The following CAPN15 variants were observed in gnomAD, a reference collection of about 807,000 sequenced individuals.
CAPN15 encodes the protein calpain 15, also known as calpain-15.
Under a neutral mutation model 97.9 loss-of-function variants are expected in CAPN15, and 53 were observed. That is an observed-to-expected ratio of 0.54 (90% confidence interval 0.43 to 0.68). The LOEUF is 0.68. CAPN15 is among the 30% of genes least tolerant of loss of function. The pLI, the probability that CAPN15 is intolerant of heterozygous loss-of-function variation, is 0.00. For missense variants in CAPN15, 1,592 were observed against 1,589.8 expected (o/e 1.00, Z -0.02); for synonymous variants, 922 against 722.5 (o/e 1.28, Z -4.43).
In CAPN15 at chr16:540,133, G is replaced by A. The variant is rs544912557; in HGVS notation, c.-23+3991G>A. The stretch of plus-strand genomic sequence containing the variant: ...CTTCCCTCCATGCTCCGCTTCGCCC[G>A]CTGCTGGCCAGAGGTGACCAGGTCC... On this transcript the variant is annotated intron_variant, in intron 3 of 13. Coordinates refer to ENST00000219611, the MANE Select transcript of CAPN15 (RefSeq NM_005632.3). 1,321 of 985,428 alleles carry A rather than the reference G, an allele frequency of 1.3e-3. 1 individual carries two copies. Among genetic ancestry groups the A allele is most frequent in the African/African-American group, 7.7e-3 (441 of 57,340 alleles). The allele number at this position is 985,428 out of a possible 1,614,324, so 61.0% of individuals were successfully genotyped here.
At chr16:546,650 T>G (rs543956386) in intron 3 of CAPN15, among the ~76,000 whole-genome samples, 167 bp from the exon 4 acceptor site, 5 of 152,290 alleles carry the variant, frequency 3.3e-5, no homozygotes, top group African/African-American at 1.2e-4. Flanking sequence ...GGATCCATTC[T>G]GGGTGGAGGC....
rs577672262 is a variant in CAPN15, at chr16:550,108, G to A, written c.2066+270G>A. Among the ~76,000 whole-genome samples, 147 of 131,792 alleles carry A rather than the reference G, an allele frequency of 1.1e-3. 1 individual carries two copies. Among genetic ancestry groups the A allele is most frequent in the African/African-American group, 6.2e-3 (138 of 22,250 alleles). 86.5% of individuals were successfully genotyped at this position (131,792 alleles called of 152,430 possible). A position where few individuals can be genotyped will look rare whatever the true frequency, so the allele number is the denominator to read the frequency against. On this transcript the variant is annotated intron_variant, in intron 7 of 13. Coordinates refer to ENST00000219611, the MANE Select transcript of CAPN15 (RefSeq NM_005632.3). ...TCACCCCGGAGCAGGTGTGAGCGGC[G>A]TGTCGAGTTTGACCTGGGCCGTGGG...
At position 549,779 on chromosome 16, in the gene CAPN15, C is replaced by T. The variant is rs528806384; in HGVS notation, c.2007C>T (p.Arg669=). 1.0e-5 allele frequency: 16 copies of T among 1,592,570 alleles called. No individual in the cohort carries two copies. In the African/African-American group the frequency reaches 1.5e-4, roughly 15 times the overall value. The part of the protein sequence containing the change: ...LALQLSSTNP[R]EEPVDTDLIW... ...TGCAGCTCAGCTCCACTAACCCCCGCGAGGAGCCCGTTGACACTGACCTCA... is the reference window on the plus strand; with the variant it reads ...TGCAGCTCAGCTCCACTAACCCCCGTGAGGAGCCCGTTGACACTGACCTCA... The change falls in exon 7 of 14, where the codon CGC becomes CGT. Residue 669 remains arginine (R), a synonymous_variant. Coordinates refer to ENST00000219611, the MANE Select transcript of CAPN15 (RefSeq NM_005632.3).
intron 3 of CAPN15, among the ~76,000 whole-genome samples, chr16:544,326 G>A (rs930856115): frequency 4.6e-5 from 7 of 152,212 alleles, no homozygotes; most frequent in Admixed American, 2.0e-4. Context: ...TGCCCCGGCC[G>A]GACGGGGCAT....
intron 4 of CAPN15, 102 bp downstream of exon 4, chr16:548,389 AGGCCTAAGACGTGATGGGGAG>A (rs1464176410): frequency 8.4e-7 from 1 of 1,194,000 alleles, no homozygotes; most frequent in African/African-American, 1.6e-5. Flanking sequence ...GGAGCCCACA[AGGCCTAAGACGTGATGGGGAG>A]GGCAGCACCC....
intron 1 of CAPN15, among the ~76,000 whole-genome samples, chr16:533,379 G>A (rs1004097771): frequency 1.3e-5 from 2 of 152,172 alleles, no homozygotes; most frequent in African/African-American, 4.8e-5. Context: ...TGACCTTAGA[G>A]AAGCAAAGCC....
chr16:539,354 G>A (rs2141990255), intron 3 of CAPN15: 1 of 152,420 alleles, frequency 6.6e-6, no homozygotes, highest in African/African-American at 2.4e-5. Flanking sequence ...ATCGGACTCT[G>A]GGGAGAGCAG....
chr16:552,508 G>T lies in CAPN15; in HGVS notation c.2715G>T (p.Leu905=). 1 of 1,604,602 alleles carries T rather than the reference G, an allele frequency of 6.2e-7. No individual in the cohort carries two copies. The part of the protein sequence containing the change: ...CCAFNHWGPP[L]PGTPAPQASS... ...CCTTCAACCACTGGGGGCCGCCCCT[G>T]CCGGGCACCCCTGCCCCCCAGGGTA... is the stretch of plus-strand genomic sequence containing the variant. The change falls in exon 11 of 14, where the codon CTG becomes CTT. Residue 905 remains leucine (L), a synonymous_variant. Transcript: ENST00000219611. This position sits in a 1 kb window ranked among gnomAD's most constrained non-coding sequence, Gnocchi z 6.4.
intron 3 of CAPN15, among the ~76,000 whole-genome samples, chr16:545,752 C>T (rs932054514): frequency 2.0e-5 from 3 of 152,258 alleles, no homozygotes; most frequent in Non-Finnish European, 2.9e-5. Flanking sequence ...CCTCTGCCTG[C>T]ACCTGCGGTC....
rs570749198 is a variant in CAPN15 at position 542,533 on chromosome 16, T to C, written c.-22-4284T>C. Among the ~76,000 whole-genome samples the C allele has an allele frequency of 9.9e-5, 15 of 152,274 alleles. No homozygotes were observed. In the East Asian group the frequency reaches 2.1e-3, roughly 22 times the overall value. On this transcript the variant is annotated intron_variant, in intron 3 of 13. Transcript: ENST00000219611. ...TCTGCGTTTCCCTGGTGGCCAGCCA[T>C]GTGGGGCCTCTCTCCCTGTCTCATC...
rs1379672621 is a variant in CAPN15, at chr16:535,083, G to C, written c.-136-946G>C. Among the ~76,000 whole-genome samples, 1 of 152,162 alleles carries C rather than the reference G, an allele frequency of 6.6e-6. No individual in the cohort carries two copies. The highest frequency in any genetic ancestry group is 1.5e-5 in the Non-Finnish European group (1 of 68,018). On this transcript the variant is annotated intron_variant, in intron 2 of 13. Coordinates refer to ENST00000219611, the MANE Select transcript of CAPN15 (RefSeq NM_005632.3). This position sits in a 1 kb window ranked among gnomAD's most constrained non-coding sequence, Gnocchi z 6.2. ...GGCTGGGGGTCGCTGTGCCAGCCCT[G>C]CTCCCATGTGGGCTCCCAGCTCCCC...
At position 527,749 on chromosome 16, in the gene CAPN15, C is replaced by G. The variant is rs1596310465; in HGVS notation, c.-470C>G. On this transcript the variant is annotated 5_prime_UTR_variant, in exon 1 of 14. Transcript: ENST00000219611. ...CGCGATTCACAGCGCCGCGTGCGCC[C>G]CGGGCGCGCCGTAGCCGCGGGGCCC... 6.7e-6 allele frequency: 1 copy of G among 150,236 alleles called. No individual in the cohort carries two copies. The highest frequency in any genetic ancestry group is 1.9e-4 in the East Asian group (1 of 5,130). 9.3% of individuals were successfully genotyped at this position (150,236 alleles called of 1,614,324 possible). A position where few individuals can be genotyped will look rare whatever the true frequency, so the allele number is the denominator to read the frequency against.
At position 551,228 on chromosome 16, in the gene CAPN15, A is replaced by G. The variant is rs372395086; in HGVS notation, c.2067-74A>G. The G allele has an allele frequency of 0.016, 19,178 of 1,206,626 alleles. 1,548 individuals carry two copies. The African/African-American group carries it at 0.25, about 16-fold the overall frequency. 74.7% of individuals were successfully genotyped at this position (1,206,626 alleles called of 1,614,324 possible). A position where few individuals can be genotyped will look rare whatever the true frequency, so the allele number is the denominator to read the frequency against. ...TCCCCAGTCGGTGAGGGTCCCGGTC[A>G]GTGAGGGTCCCCGGTCGGTGAGGGT... is the stretch of plus-strand genomic sequence containing the variant. On this transcript the variant is annotated intron_variant, in intron 7 of 13. Transcript: ENST00000219611.
chr16:547,678 G>C lies in CAPN15; in HGVS notation c.840G>C (p.Trp280Cys), dbSNP rs763528398. Residue 280 changes from tryptophan to cysteine, a missense_variant, in exon 4 of 14, where the codon TGG becomes TGC. This residue lies in a region of CAPN15 where 883 missense variants were observed against 776.6 expected (regional missense o/e 1.14). Transcript: ENST00000219611. ...GCRGAPQGSG[W>C]AGASRLAELL... ...GGGGAGCCCCCCAGGGCTCGGGCTG[G>C]GCTGGGGCCTCCCGCCTAGCAGAGT... 7 of 1,588,732 alleles carry C rather than the reference G, an allele frequency of 4.4e-6. No homozygotes were observed. The African/African-American group carries it at 8.0e-5, about 18-fold the overall frequency.
Position 549,111 on chromosome 16 carries a change from G to A in CAPN15, c.1568G>A (p.Cys523Tyr). ...TGGCTGCGACCCCAGGAGATCAACT[G>A]CTCCGTCTTCAGGGACCACAGGGCC... ...RQWLRPQEIN[C>Y]SVFRDHRATW... The change falls in exon 5 of 14, where the codon TGC (cysteine) becomes TAC (tyrosine). Residue 523 changes from cysteine (C) to tyrosine (Y), a missense_variant. Physicochemically the swap from Cys to Tyr is radical, Grantham distance 194. Around this residue, in one of 3 missense-constraint regions of CAPN15, gnomAD observed 883 missense variants for 776.6 expected, o/e 1.14. Transcript: ENST00000219611. 1 of 1,612,352 alleles carries A rather than the reference G, an allele frequency of 6.2e-7. No homozygotes were observed. The highest frequency in any genetic ancestry group is 8.5e-7 in the Non-Finnish European group (1 of 1,179,930).
chr16:546,810 C>G lies in CAPN15; in HGVS notation c.-22-7C>G, dbSNP rs763948945. The G allele has an allele frequency of 1.3e-6, 2 of 1,572,764 alleles. No homozygotes were observed. The highest frequency in any genetic ancestry group is 2.7e-5 in the African/African-American group (2 of 74,366). ...AGGGTGGCCCTGATGAGCACCTTCC[C>G]TTGCAGCCACACCCACTCGCCCGGG... is the stretch of plus-strand genomic sequence containing the variant. On this transcript the variant is annotated splice_polypyrimidine_tract_variant and splice_region_variant and intron_variant, in intron 3 of 13. Coordinates refer to ENST00000219611, the MANE Select transcript of CAPN15 (RefSeq NM_005632.3).
chr16:528,875 G>C, intron 1 of CAPN15: 1 of 590,674 alleles, frequency 1.7e-6, no homozygotes, highest in Non-Finnish European at 2.1e-6. Flanking sequence ...CCAGGTCTGA[G>C]GGGTGCGGAA....
In CAPN15 at chr16:552,758, G is replaced by A. The variant is rs1214507434; in HGVS notation, c.2891G>A (p.Gly964Glu). 6.5e-7 allele frequency: 1 copy of A among 1,538,576 alleles called. No homozygotes were observed. The highest frequency in any genetic ancestry group is 8.8e-7 in the Non-Finnish European group (1 of 1,141,734). Residue 964 changes from glycine to glutamate, a missense_variant, in exon 12 of 14, where the codon GGA becomes GAA. Gly to Glu is a moderately conservative substitution (Grantham distance 98). Coordinates refer to ENST00000219611, the MANE Select transcript of CAPN15 (RefSeq NM_005632.3). This position sits in a 1 kb window ranked among gnomAD's most constrained non-coding sequence, Gnocchi z 6.4. ...DAIILLTESR[G>E]ERHEGREGMT... ...ATCATCCTGCTCACCGAGAGCCGCGGAGAGCGGCACGAGGTGGGTGGGGGT... is the reference window on the plus strand; with the variant it reads ...ATCATCCTGCTCACCGAGAGCCGCGAAGAGCGGCACGAGGTGGGTGGGGGT...
intron 3 of CAPN15, among the ~76,000 whole-genome samples, chr16:542,572 C>CT (rs747404461): frequency 5.9e-5 from 9 of 152,274 alleles, no homozygotes; most frequent in South Asian, 4.1e-4. Flanking sequence ...CCGTGCCTGT[C>CT]TTTTTTTCAT....
Sources: gnomAD v4.1 joint callset for allele counts (sites outside exome capture counted in the v4.1 genomes callset) on GRCh38, gnomAD v4.1.1 for gene constraint, gnomAD v4.1.1 regional missense constraint, Gnocchi (gnomAD v3.1) non-coding constraint, MANE v1.5 for transcripts, NCBI Gene and HGNC (gene_info 2026-07-23, HGNC 2026-07-21) for gene names.